EPCAM: variants seen among roughly 807,000 people sequenced by gnomAD.
EPCAM encodes the protein adenocarcinoma-associated antigen.
Under a neutral mutation model 40.0 loss-of-function variants are expected in EPCAM, and 39 were observed. The observed-to-expected ratio is 0.98, with a 90% confidence interval of 0.76 to 1.27. EPCAM has a LOEUF of 1.27. Among genes scored for constraint, EPCAM ranks in the 50% most tolerant of loss-of-function variants. The probability of loss-of-function intolerance (pLI) is 0.00; values close to 1 mark genes in which losing one functional copy is unlikely to be tolerated. For missense variants in EPCAM, 503 were observed against 381.2 expected, an observed-to-expected ratio of 1.32 and a Z score of -2.66; for synonymous variants, 168 against 132.3, an observed-to-expected ratio of 1.27 and a Z score of -1.85.
chr2:47,376,989 A>G (rs769475823), intron 4 of EPCAM, 25 bp from the exon 5 acceptor site: 27 of 1,526,668 alleles, frequency 1.8e-5, no homozygotes, highest in Non-Finnish European at 2.2e-5. Flanking sequence ...ATTTTTTTTT[A>G]ATACAGATTT....
At chr2:47,371,302 T>C (rs980523402) in intron 1 of EPCAM, among the ~76,000 whole-genome samples, 1 of 152,162 alleles carries the variant, frequency 6.6e-6, no homozygotes, top group African/African-American at 2.4e-5. Context: ...CGTCTGTCGT[T>C]CAGCCTGGAG....
intron 1 of EPCAM, 126 bp downstream of exon 1, chr2:47,369,707 G>GC: frequency 9.7e-7 from 1 of 1,032,700 alleles, no homozygotes; most frequent in Non-Finnish European, 1.5e-6. Flanking sequence ...CCAGCGTGGA[G>GC]ACCGGACGGT....
chr2:47,381,110 A>G (rs1211292541), intron 7 of EPCAM, among the ~76,000 whole-genome samples: 4 of 134,448 alleles, frequency 3.0e-5, no homozygotes, highest in African/African-American at 1.1e-4. Flanking sequence ...AAAAAAAAAA[A>G]AAAAGGCCAG....
rs773938560 is a variant in EPCAM at position 47,377,741 on chromosome 2, A to G, written c.555+664A>G. Reference sequence around the variant, plus strand: ...TTTGGTAAATACAGTTTTGGTGCATATTTACTTTAGGATGTTACTGGAGCT... The same window carrying G: ...TTTGGTAAATACAGTTTTGGTGCATGTTTACTTTAGGATGTTACTGGAGCT... On this transcript the variant is annotated intron_variant, in intron 5 of 8. Transcript: ENST00000263735. 22 of 454,440 alleles carry G rather than the reference A, an allele frequency of 4.8e-5. 1 individual carries two copies. Among genetic ancestry groups the G allele is most frequent in the South Asian group, 2.4e-4 (15 of 61,324 alleles). 28.2% of individuals were successfully genotyped at this position (454,440 alleles called of 1,614,324 possible). A position where few individuals can be genotyped will look rare whatever the true frequency, so the allele number is the denominator to read the frequency against.
At chr2:47,372,413 G>T (rs1271374568) in intron 1 of EPCAM, among the ~76,000 whole-genome samples, 1 of 151,922 alleles carries the variant, frequency 6.6e-6, no homozygotes, top group African/African-American at 2.4e-5. Context: ...CGAGGTGGGT[G>T]GGTTACCTGA....
In EPCAM at chr2:47,382,082, T is replaced by A. The variant is rs906417448; in HGVS notation, c.858+2113T>A. On this transcript the variant is annotated intron_variant, in intron 7 of 8. Coordinates refer to ENST00000263735, the MANE Select transcript of EPCAM (RefSeq NM_002354.3). ...TGCACCTAGTCCTATATATATATAT[T>A]TTGGCTTCATTAAAATTAAGCATTT... Among the ~76,000 whole-genome samples the A allele has an allele frequency of 2.6e-5, 4 of 152,070 alleles. No homozygotes were observed. The South Asian group carries it at 6.2e-4, about 24-fold the overall frequency.
chr2:47,374,058 GC>G lies in EPCAM; in HGVS notation c.425+11del. On this transcript the variant is annotated intron_variant, in intron 3 of 8. Transcript: ENST00000263735. ...AGCGAGTGAGAACCTAGTGAGTGGG[GC>G]TGCCTATACTACTTGTTTTCATGCT... 1 of 1,613,902 alleles carries G rather than the reference GC, an allele frequency of 6.2e-7. No individual in the cohort carries two copies. The highest frequency in any genetic ancestry group is 2.2e-5 in the East Asian group (1 of 44,882).
chr2:47,386,031 C>G (rs959117907), intron 8 of EPCAM, among the ~76,000 whole-genome samples: 1 of 152,164 alleles, frequency 6.6e-6, no homozygotes, highest in East Asian at 1.9e-4. Flanking sequence ...TCCATGTTTC[C>G]TCATCTGTAA....
intron 7 of EPCAM, among the ~76,000 whole-genome samples, chr2:47,384,671 G>T (rs1253148343): frequency 6.6e-6 from 1 of 151,662 alleles, no homozygotes. Flanking sequence ...GCCCACCTCG[G>T]CCCCACAAAG....
chr2:47,375,400 C>A (rs963962744), intron 4 of EPCAM, 101 bp downstream of exon 4: 15 of 785,144 alleles, frequency 1.9e-5, no homozygotes, highest in Non-Finnish European at 2.9e-5. Flanking sequence ...TTTTATATTT[C>A]TGAAAAATAA....
At chr2:47,373,701 A>G in intron 2 of EPCAM, 107 bp from the exon 3 acceptor site, 1 of 1,526,990 alleles carries the variant, frequency 6.5e-7, no homozygotes. Context: ...GTGGGAACAC[A>G]TAAATTTCAA....
At chr2:47,378,299 C>CTTTTTTTTTT (rs70940676) in intron 5 of EPCAM, among the ~76,000 whole-genome samples, 3 of 118,674 alleles carry the variant, frequency 2.5e-5, no homozygotes, top group Non-Finnish European at 1.7e-5. Context: ...TTTTTCTTTT[C>CTTTTTTTTTT]TTTTTTTTTT....
At chr2:47,382,184 A>G (rs1671611306) in intron 7 of EPCAM, among the ~76,000 whole-genome samples, 1 of 151,908 alleles carries the variant, frequency 6.6e-6, no homozygotes, top group Non-Finnish European at 1.5e-5. Context: ...AAAAATGGAT[A>G]TTATACATAA....
intron 4 of EPCAM, 113 bp downstream of exon 4, chr2:47,375,412 G>A: frequency 2.7e-6 from 2 of 737,850 alleles, no homozygotes; most frequent in South Asian, 1.5e-5. Flanking sequence ...GAAAAATAAA[G>A]TTACTTGAAA....
chr2:47,386,155 CATT>C (rs1341574132), intron 8 of EPCAM, among the ~76,000 whole-genome samples: 2 of 152,152 alleles, frequency 1.3e-5, no homozygotes, highest in African/African-American at 4.8e-5. Context: ...TGGTAGTTGT[CATT>C]ATCATTGTCT....
intron 3 of EPCAM, among the ~76,000 whole-genome samples, chr2:47,374,651 T>A (rs1339685960): frequency 6.6e-6 from 1 of 152,022 alleles, no homozygotes; most frequent in Non-Finnish European, 1.5e-5. Flanking sequence ...TTTCTTTTCT[T>A]TTTTTTTCGA....
intron 1 of EPCAM, among the ~76,000 whole-genome samples, chr2:47,372,349 C>A (rs141768561): frequency 6.6e-6 from 1 of 151,674 alleles, no homozygotes; most frequent in East Asian, 1.9e-4. Context: ...GTAAAAGAGG[C>A]GGTGACAGCC....
At chr2:47,371,844 T>A (rs1483356040) in intron 1 of EPCAM, among the ~76,000 whole-genome samples, 1 of 152,204 alleles carries the variant, frequency 6.6e-6, no homozygotes, top group East Asian at 1.9e-4. Flanking sequence ...GACTATAACT[T>A]GAACAGGGAA....
At chr2:47,375,116 C>T in intron 3 of EPCAM, 118 bp from the exon 4 acceptor site, 1 of 709,252 alleles carries the variant, frequency 1.4e-6, no homozygotes, top group Non-Finnish European at 2.5e-6. Flanking sequence ...GGAATAGCTA[C>T]TGCATAAATT....
Sources: gnomAD v4.1 joint callset for allele counts (sites outside exome capture counted in the v4.1 genomes callset) on GRCh38, gnomAD v4.1.1 for gene constraint, MANE v1.5 for transcripts, NCBI Gene and HGNC (gene_info 2026-07-23, HGNC 2026-07-21) for gene names.